SLC26A7: variants seen among roughly 807,000 people sequenced by gnomAD.
The protein encoded by SLC26A7 is anion exchange transporter.
Under a neutral mutation model 82.5 loss-of-function variants are expected in SLC26A7, and 59 were observed. The observed-to-expected ratio is 0.72, with a 90% CI of 0.58 to 0.89. The LOEUF (loss-of-function observed/expected upper bound fraction) is 0.89, where lower values mean the gene tolerates loss of function less well. Ranked by LOEUF, SLC26A7 falls within the 40% of genes least tolerant of loss-of-function variation. The probability of loss-of-function intolerance (pLI) is 0.00; values close to 1 mark genes in which losing one functional copy is unlikely to be tolerated. For missense variants in SLC26A7, 820 were observed against 793.0 expected (o/e 1.03, Z -0.41); for synonymous variants, 271 against 274.3 (o/e 0.99, Z 0.12).
chr8:91,394,161 C>G, intron 18 of SLC26A7, 122 bp downstream of exon 18: 1 of 1,602,886 alleles, frequency 6.2e-7, no homozygotes, highest in Non-Finnish European at 8.5e-7. Flanking sequence ...GCCCCCCACC[C>G]CACCCCACCT....
intron 4 of SLC26A7, among the ~76,000 whole-genome samples, chr8:91,307,288 C>G (rs1586389002): frequency 8.8e-6 from 1 of 113,060 alleles, no homozygotes. Flanking sequence ...ACCCAGCCAT[C>G]CCATTACTGG....
intron 2 of SLC26A7, among the ~76,000 whole-genome samples, chr8:91,266,859 A>T (rs1349333222): frequency 6.6e-6 from 1 of 151,916 alleles, no homozygotes; most frequent in East Asian, 1.9e-4. Flanking sequence ...ATTCAGTGTG[A>T]TGTTAGTTGT....
At chr8:91,262,229 C>T (rs182482511) in intron 2 of SLC26A7, among the ~76,000 whole-genome samples, 6 of 152,076 alleles carry the variant, frequency 3.9e-5, no homozygotes, top group African/African-American at 1.4e-4. Context: ...TAAACTCAGC[C>T]TGGTGAGGGT....
intron 11 of SLC26A7, among the ~76,000 whole-genome samples, chr8:91,359,898 G>GCA (rs386413349): frequency 6.0e-5 from 9 of 150,788 alleles, no homozygotes; most frequent in African/African-American, 1.7e-4. Context: ...GTGTGTGTGC[G>GCA]CATGTGTGTG....
chr8:91,262,215 CAT>C (rs1280811561), intron 2 of SLC26A7, among the ~76,000 whole-genome samples: 1 of 152,030 alleles, frequency 6.6e-6, no homozygotes, highest in East Asian at 1.9e-4. Flanking sequence ...TTAGCTAAGA[CAT>C]ATAAACTCAG....
At chr8:91,228,213 C>A (rs1011910864) in intron 2 of SLC26A7, among the ~76,000 whole-genome samples, 16 of 152,178 alleles carry the variant, frequency 1.1e-4, no homozygotes, top group Admixed American at 2.6e-4. Flanking sequence ...GAGACATGTG[C>A]CTTGTTTCTA....
intron 15 of SLC26A7, among the ~76,000 whole-genome samples, chr8:91,386,962 C>T (rs1364024837): frequency 6.6e-6 from 1 of 152,056 alleles, no homozygotes; most frequent in African/African-American, 2.4e-5. Flanking sequence ...ATTAGTCTTA[C>T]TAATTTTTAA....
intron 2 of SLC26A7, among the ~76,000 whole-genome samples, chr8:91,280,984 A>G (rs192452771): frequency 4.0e-4 from 61 of 152,240 alleles, no homozygotes; most frequent in Non-Finnish European, 5.9e-4. Flanking sequence ...CTTTCTGTCA[A>G]TTTTGTTTTT....
chr8:91,297,805 A>C (rs1353099934), intron 4 of SLC26A7, among the ~76,000 whole-genome samples: 6 of 152,184 alleles, frequency 3.9e-5, no homozygotes. Context: ...CAAACATATG[A>C]AGTGTGTGTT....
At chr8:91,220,991 T>C (rs1408476100) in intron 2 of SLC26A7, among the ~76,000 whole-genome samples, 1 of 152,190 alleles carries the variant, frequency 6.6e-6, no homozygotes, top group African/African-American at 2.4e-5. Flanking sequence ...TCACCAACAG[T>C]GTAAAAGCAT....
intron 4 of SLC26A7, among the ~76,000 whole-genome samples, chr8:91,302,917 C>G (rs7828614): frequency 0.11 from 15,720 of 149,382 alleles, 946 homozygotes; most frequent in Middle Eastern, 0.21. Flanking sequence ...AGTAGGAACT[C>G]TTGTGATTAG....
intron 2 of SLC26A7, among the ~76,000 whole-genome samples, chr8:91,242,236 A>T: frequency 6.6e-6 from 1 of 152,334 alleles, no homozygotes; most frequent in Non-Finnish European, 1.5e-5. Flanking sequence ...TGCTGAAAAC[A>T]TAACATATTT....
chr8:91,350,998 T>C (rs1813700079), intron 9 of SLC26A7, among the ~76,000 whole-genome samples: 1 of 152,136 alleles, frequency 6.6e-6, no homozygotes, highest in African/African-American at 2.4e-5. Context: ...ATTTTTAATT[T>C]AAGCCATTCT....
At chr8:91,392,772 G>A (rs1272394629) in intron 16 of SLC26A7, among the ~76,000 whole-genome samples, 1 of 152,116 alleles carries the variant, frequency 6.6e-6, no homozygotes, top group Non-Finnish European at 1.5e-5. Context: ...GTGAACTGGA[G>A]ATTATATTTA....
chr8:91,316,161 T>C (rs181103794), intron 4 of SLC26A7, among the ~76,000 whole-genome samples: 1 of 152,352 alleles, frequency 6.6e-6, no homozygotes, highest in African/African-American at 2.4e-5. Flanking sequence ...GCTCTAGTGG[T>C]ACCAGATATC....
chr8:91,263,498 C>A (rs984901964), intron 2 of SLC26A7, among the ~76,000 whole-genome samples: 19 of 152,064 alleles, frequency 1.2e-4, no homozygotes, highest in Non-Finnish European at 2.8e-4. Flanking sequence ...GCATTTAAAT[C>A]TTGAAGATGC....
At chr8:91,294,275 G>C (rs2130774409) in intron 3 of SLC26A7, among the ~76,000 whole-genome samples, 1 of 152,282 alleles carries the variant, frequency 6.6e-6, no homozygotes, top group Non-Finnish European at 1.5e-5. Flanking sequence ...CATTATTTAA[G>C]CCTCATAACA....
chr8:91,228,236 G>A (rs1318866338), intron 2 of SLC26A7, among the ~76,000 whole-genome samples: 1 of 152,250 alleles, frequency 6.6e-6, no homozygotes, highest in Non-Finnish European at 1.5e-5. Flanking sequence ...TGCATGGTTG[G>A]AGTGAGTGAA....
chr8:91,258,142 G>T (rs1409046808), intron 2 of SLC26A7, among the ~76,000 whole-genome samples: 1 of 151,940 alleles, frequency 6.6e-6, no homozygotes, highest in South Asian at 2.1e-4. Flanking sequence ...TGAGATTTTG[G>T]GGGGTCACAG....
Sources: allele counts gnomAD v4.1 joint callset (sites outside exome capture counted in the v4.1 genomes callset), GRCh38; gene constraint gnomAD v4.1.1; transcripts MANE v1.5; gene names NCBI Gene and HGNC (gene_info 2026-07-23, HGNC 2026-07-21).